UBR3: variants seen among roughly 807,000 people sequenced by gnomAD.
UBR3 encodes E3 ubiquitin-protein ligase UBR3.
A neutral mutation model predicts 243.2 loss-of-function variants in UBR3; 85 were observed. The observed-to-expected ratio is 0.35, with a 90% CI of 0.29 to 0.42. The LOEUF (loss-of-function observed/expected upper bound fraction) is 0.42. UBR3 is among the 10% of genes least tolerant of loss of function. UBR3 has a pLI of 1.00. For missense variants in UBR3, 1,686 were observed against 2,300.8 expected (o/e 0.73, Z 5.47); for synonymous variants, 748 against 799.8 (o/e 0.94, Z 1.09).
At chr2:169,892,510 A>T (rs1411799763) in intron 6 of UBR3, among the ~76,000 whole-genome samples, 1 of 152,124 alleles carries the variant, frequency 6.6e-6, no homozygotes, top group Non-Finnish European at 1.5e-5. Context: ...AAATACCTGA[A>T]CTTTTTTCAC....
intron 24 of UBR3, among the ~76,000 whole-genome samples, chr2:169,977,188 C>T (rs550973156): frequency 4.0e-5 from 6 of 151,808 alleles, no homozygotes; most frequent in African/African-American, 1.2e-4. Flanking sequence ...CCTTAAAATT[C>T]GTCTTTTGAA....
chr2:170,061,034 T>C (rs72876447), intron 33 of UBR3, 45 bp from the exon 34 acceptor site: 1 of 1,265,020 alleles, frequency 7.9e-7, no homozygotes, highest in East Asian at 2.6e-5. Context: ...GTAAATTTTT[T>C]ATAATTTTCA....
chr2:169,903,715 G>T (rs1248904327), intron 8 of UBR3, among the ~76,000 whole-genome samples: 1 of 152,144 alleles, frequency 6.6e-6, no homozygotes, highest in African/African-American at 2.4e-5. Context: ...GTTGGTTAAA[G>T]TGAGGAATCA....
chr2:170,002,511 C>T (rs2089749765), intron 27 of UBR3, among the ~76,000 whole-genome samples: 1 of 152,126 alleles, frequency 6.6e-6, no homozygotes, highest in Non-Finnish European at 1.5e-5. Flanking sequence ...CCTTAGATTC[C>T]TATCTTGCTT....
At chr2:170,052,460 G>C (rs1048513351) in intron 32 of UBR3, among the ~76,000 whole-genome samples, 7 of 152,170 alleles carry the variant, frequency 4.6e-5, no homozygotes, top group Admixed American at 1.3e-4. Context: ...CTAAGTGTCT[G>C]TCAATGGATG....
intron 35 of UBR3, among the ~76,000 whole-genome samples, chr2:170,067,185 C>CA (rs1372897992): frequency 6.6e-6 from 1 of 152,022 alleles, no homozygotes; most frequent in African/African-American, 2.4e-5. Flanking sequence ...CCTTGCCACA[C>CA]AAAACATTTT....
chr2:169,892,332 T>A (rs966547821), intron 6 of UBR3, among the ~76,000 whole-genome samples: 2 of 152,170 alleles, frequency 1.3e-5, no homozygotes, highest in Non-Finnish European at 2.9e-5. Context: ...GTGACACATC[T>A]GAGTTGGAGA....
At chr2:169,853,703 G>C (rs1288284545) in intron 1 of UBR3, among the ~76,000 whole-genome samples, 1 of 152,036 alleles carries the variant, frequency 6.6e-6, no homozygotes, top group Admixed American at 6.6e-5. Context: ...ACCCACCTCA[G>C]CCTCCCAAAG....
chr2:169,988,139 T>G (rs1409415014), intron 25 of UBR3, among the ~76,000 whole-genome samples: 1 of 151,598 alleles, frequency 6.6e-6, no homozygotes, highest in Non-Finnish European at 1.5e-5. Context: ...CTACTTTTCC[T>G]TTTTACTACT....
chr2:169,880,187 T>C (rs1369376485), intron 5 of UBR3, among the ~76,000 whole-genome samples: 3 of 152,196 alleles, frequency 2.0e-5, no homozygotes, highest in African/African-American at 4.8e-5. Flanking sequence ...CTGTAGCCAG[T>C]AGGAACTTTA....
chr2:170,077,970 T>G (rs1574489162), intron 36 of UBR3: 1 of 600,024 alleles, frequency 1.7e-6, no homozygotes, highest in Non-Finnish European at 3.1e-6. Flanking sequence ...CTGCTTTCTC[T>G]TTTCATTTCG....
At chr2:170,081,126 G>A (rs765123019) in intron 38 of UBR3, among the ~76,000 whole-genome samples, 12 of 152,118 alleles carry the variant, frequency 7.9e-5, no homozygotes, top group Non-Finnish European at 1.6e-4. Context: ...AGCAGGTGGC[G>A]GCTGCAGTGA....
intron 27 of UBR3, among the ~76,000 whole-genome samples, chr2:170,006,631 A>G (rs1457499581): frequency 6.6e-6 from 1 of 152,184 alleles, no homozygotes; most frequent in Non-Finnish European, 1.5e-5. Flanking sequence ...TTATGAAAAC[A>G]GGGGTATGGG....
chr2:169,986,369 C>T (rs2089003838), intron 24 of UBR3, among the ~76,000 whole-genome samples: 1 of 152,064 alleles, frequency 6.6e-6, no homozygotes, highest in African/African-American at 2.4e-5. Flanking sequence ...ATCTTTGCCT[C>T]TATGTTTTCT....
At chr2:169,876,323 G>T (rs62170276) in intron 3 of UBR3, among the ~76,000 whole-genome samples, 1 of 151,892 alleles carries the variant, frequency 6.6e-6, no homozygotes, top group Non-Finnish European at 1.5e-5. Context: ...CTCATGATCC[G>T]CCCGCCTTGG....
chr2:169,956,233 T>C (rs535434810), intron 23 of UBR3, among the ~76,000 whole-genome samples: 3 of 149,542 alleles, frequency 2.0e-5, no homozygotes, highest in African/African-American at 7.4e-5. Context: ...TCTATCTGTG[T>C]ATCTATCTAT....
chr2:169,896,242 C>T (rs560255900), intron 7 of UBR3, among the ~76,000 whole-genome samples: 1 of 140,358 alleles, frequency 7.1e-6, no homozygotes, highest in African/African-American at 2.7e-5. Flanking sequence ...GAGCTGAGAT[C>T]ATGCCATTGC....
intron 32 of UBR3, among the ~76,000 whole-genome samples, chr2:170,050,184 A>G (rs1183373594): frequency 6.6e-6 from 1 of 152,166 alleles, no homozygotes; most frequent in East Asian, 1.9e-4. Flanking sequence ...CTCATCAGAG[A>G]GAAAATAGAC....
Position 169,928,768 on chromosome 2 carries a change from C to T in UBR3, c.2466C>T (p.Gly822=), listed in dbSNP as rs1475102471. The change falls in exon 18 of 39, where the codon GGC becomes GGT. Residue 822 remains glycine (G), a synonymous_variant. Coordinates refer to ENST00000272793, the MANE Select transcript of UBR3 (RefSeq NM_172070.4). ...ATCCCAAAAGTGGCATTATTCCAGG[C>T]AGTTACAGCTTTGAATCAGTTTTAT... ...NPNPKSGIIP[G]SYSFESVLSA... The T allele has an allele frequency of 4.6e-6, 7 of 1,505,912 alleles. No homozygotes were observed. The East Asian group carries it at 1.7e-4, about 37-fold the overall frequency. The allele number at this position is 1,505,912 out of a possible 1,614,324, so 93.3% of individuals were successfully genotyped here.
Sources: allele counts gnomAD v4.1 joint callset (sites outside exome capture counted in the v4.1 genomes callset), GRCh38; gene constraint gnomAD v4.1.1; transcripts MANE v1.5; gene names NCBI Gene and HGNC (gene_info 2026-07-23, HGNC 2026-07-21).